Variants in PBX3 observed in about 807,000 individuals in gnomAD.
PBX3 encodes the protein pre-B-cell leukemia transcription factor 3.
A neutral mutation model predicts 48.5 loss-of-function variants in PBX3; 14 were observed. That is an observed-to-expected ratio of 0.29 (90% confidence interval 0.19 to 0.45). The LOEUF (loss-of-function observed/expected upper bound fraction) is 0.45. Ranked by LOEUF, PBX3 falls within the 20% of genes least tolerant of loss-of-function variation. PBX3 has a pLI of 1.00. For synonymous variants in PBX3, 210 were observed against 200.3 expected, an observed-to-expected ratio of 1.05 and a Z score of -0.41; for missense variants, 386 against 546.7, an observed-to-expected ratio of 0.71 and a Z score of 2.93.
At chr9:125,886,034 A>G (rs1840492182) in intron 2 of PBX3, among the ~76,000 whole-genome samples, 1 of 152,122 alleles carries the variant, frequency 6.6e-6, no homozygotes, top group Non-Finnish European at 1.5e-5. Context: ...AGTGACTGCT[A>G]GGTATCCCTG....
intron 2 of PBX3, among the ~76,000 whole-genome samples, chr9:125,810,966 A>G (rs1012316926): frequency 6.6e-6 from 1 of 152,200 alleles, no homozygotes; most frequent in African/African-American, 2.4e-5. Flanking sequence ...TCCAGGTTAC[A>G]TAGACCTCAG....
intron 2 of PBX3, among the ~76,000 whole-genome samples, chr9:125,894,719 A>G (rs950409899): frequency 6.6e-6 from 1 of 152,132 alleles, no homozygotes; most frequent in African/African-American, 2.4e-5. Context: ...GTGGCAAATG[A>G]TAGTCAGAAT....
intron 2 of PBX3, among the ~76,000 whole-genome samples, chr9:125,799,716 A>G (rs1199615374): frequency 6.6e-6 from 1 of 152,208 alleles, no homozygotes; most frequent in African/African-American, 2.4e-5. Context: ...ATAATTCTCT[A>G]TTTTGAAAGG....
At chr9:125,845,161 A>G (rs866414857) in intron 2 of PBX3, among the ~76,000 whole-genome samples, 1 of 152,084 alleles carries the variant, frequency 6.6e-6, no homozygotes. Flanking sequence ...TCTTTCGGAA[A>G]ACCTTGGAAA....
intron 2 of PBX3, among the ~76,000 whole-genome samples, chr9:125,819,732 G>A (rs1055439396): frequency 6.6e-6 from 1 of 151,886 alleles, no homozygotes; most frequent in African/African-American, 2.4e-5. Flanking sequence ...TAAAACTGGT[G>A]TTTTATGTAT....
intron 2 of PBX3, 133 bp downstream of exon 2, chr9:125,748,756 T>C: frequency 3.3e-6 from 2 of 607,828 alleles, no homozygotes; most frequent in South Asian, 1.9e-5. Flanking sequence ...TCCCACGTCC[T>C]GATCTTGAGA....
At chr9:125,857,282 G>A (rs1439532065) in intron 2 of PBX3, among the ~76,000 whole-genome samples, 3 of 152,068 alleles carry the variant, frequency 2.0e-5, no homozygotes, top group African/African-American at 7.2e-5. Context: ...TACTGGTTCA[G>A]AATCCCTAAT....
intron 3 of PBX3, among the ~76,000 whole-genome samples, chr9:125,925,391 C>A (rs1422208615): frequency 1.3e-5 from 2 of 152,104 alleles, no homozygotes; most frequent in East Asian, 3.8e-4. Flanking sequence ...CACTAGATTT[C>A]AAAGAGTACA....
At chr9:125,794,921 A>G (rs563240028) in intron 2 of PBX3, among the ~76,000 whole-genome samples, 52 of 152,310 alleles carry the variant, frequency 3.4e-4, no homozygotes, top group African/African-American at 1.2e-3. Flanking sequence ...TTTGCACTGA[A>G]TGAGCCATTA....
intron 2 of PBX3, among the ~76,000 whole-genome samples, chr9:125,808,380 T>G (rs567549554): frequency 6.6e-6 from 1 of 152,298 alleles, no homozygotes; most frequent in East Asian, 1.9e-4. Flanking sequence ...TTATGTTTCA[T>G]AAAGTCTCTG....
At position 125,801,866 on chromosome 9, in the gene PBX3, G is replaced by T. The variant is rs550057362; in HGVS notation, c.274+53243G>T. 1.5e-4 allele frequency among the ~76,000 whole-genome samples: 22 copies of T among 150,916 alleles called. 1 individual carries two copies. In the South Asian group the frequency reaches 2.9e-3, roughly 20 times the overall value. On this transcript the variant is annotated intron_variant, in intron 2 of 8. Transcript: ENST00000373489. ...GAATCATTTATAAGTTGCAGACTTG[G>T]TATGGTTAAAACTAAAAACTCCAGT...
chr9:125,776,130 TG>T (rs1473625386), intron 2 of PBX3, among the ~76,000 whole-genome samples: 1 of 152,230 alleles, frequency 6.6e-6, no homozygotes, highest in Non-Finnish European at 1.5e-5. Flanking sequence ...AATACAATGT[TG>T]AGTGGCTGTG....
At chr9:125,895,511 A>G (rs776915934) in intron 2 of PBX3, among the ~76,000 whole-genome samples, 10 of 152,030 alleles carry the variant, frequency 6.6e-5, no homozygotes, top group Non-Finnish European at 1.3e-4. Context: ...ATAGGTACTC[A>G]GTACACCTGG....
intron 2 of PBX3, among the ~76,000 whole-genome samples, chr9:125,866,015 G>C (rs1395339484): frequency 6.9e-6 from 1 of 145,776 alleles, no homozygotes; most frequent in Non-Finnish European, 1.5e-5. Flanking sequence ...GATTATAAAA[G>C]AGTCTTTGCT....
chr9:125,812,985 A>G (rs1234348914), intron 2 of PBX3, among the ~76,000 whole-genome samples: 2 of 152,236 alleles, frequency 1.3e-5, no homozygotes, highest in African/African-American at 4.8e-5. Flanking sequence ...GTGAATGTTT[A>G]GGCCTAGGAC....
At chr9:125,748,365 T>G in intron 1 of PBX3, 185 bp from the exon 2 acceptor site, 7 of 1,318,882 alleles carry the variant, frequency 5.3e-6, no homozygotes, top group Non-Finnish European at 6.8e-6. Context: ...GGCTGCAGCT[T>G]TCGCCGCCGG....
chr9:125,830,165 C>T (rs111236660), intron 2 of PBX3, among the ~76,000 whole-genome samples: 3 of 152,024 alleles, frequency 2.0e-5, no homozygotes, highest in Non-Finnish European at 4.4e-5. Flanking sequence ...CTAAAGCATA[C>T]GTAATATGAG....
chr9:125,962,063 G>T lies in PBX3; in HGVS notation c.1010-39G>T, dbSNP rs1224460595. The T allele has an allele frequency of 3.0e-6, 3 of 1,012,488 alleles. No homozygotes were observed. In the South Asian group the frequency reaches 3.9e-5, roughly 13 times the overall value. The allele number at this position is 1,012,488 out of a possible 1,614,324, so 62.7% of individuals were successfully genotyped here. On this transcript the variant is annotated intron_variant, in intron 6 of 8. Coordinates refer to ENST00000373489, the MANE Select transcript of PBX3 (RefSeq NM_006195.6). ...TAGGTCTTTGAGGATTATGTGTGTA[G>T]CTCTCTGTTATTCAGCTACTTAACT... is the stretch of plus-strand genomic sequence containing the variant.
At chr9:125,771,922 C>T (rs1301685421) in intron 2 of PBX3, among the ~76,000 whole-genome samples, 1 of 152,012 alleles carries the variant, frequency 6.6e-6, no homozygotes, top group African/African-American at 2.4e-5. Flanking sequence ...ATCATTTTAG[C>T]GTGCTGGGTA....
Sources: gnomAD v4.1 joint callset for allele counts (sites outside exome capture counted in the v4.1 genomes callset) on GRCh38, gnomAD v4.1.1 for gene constraint, MANE v1.5 for transcripts, NCBI Gene and HGNC (gene_info 2026-07-23, HGNC 2026-07-21) for gene names.